EIF2AK2: variants seen among roughly 807,000 people sequenced by gnomAD.
The protein encoded by EIF2AK2 is eukaryotic translation initiation factor 2 alpha kinase 2, also known as interferon-induced, double-stranded RNA-activated protein kinase.
Under a neutral mutation model 70.5 loss-of-function variants are expected in EIF2AK2, and 40 were observed. The observed-to-expected ratio is 0.57, with a 90% CI of 0.44 to 0.74. The LOEUF is 0.74. Among genes scored for constraint, EIF2AK2 ranks in the 30% least tolerant of loss-of-function variants. EIF2AK2 has a pLI of 0.00. For missense variants in EIF2AK2, 555 were observed against 644.3 expected, an observed-to-expected ratio of 0.86 and a Z score of 1.50; for synonymous variants, 198 against 220.9, an observed-to-expected ratio of 0.90 and a Z score of 0.92.
At chr2:37,139,272 G>T (rs1675239323) in intron 6 of EIF2AK2, among the ~76,000 whole-genome samples, 1 of 148,032 alleles carries the variant, frequency 6.8e-6, no homozygotes. Flanking sequence ...CCGAGATCGT[G>T]CCACTGCACT....
intron 10 of EIF2AK2, among the ~76,000 whole-genome samples, chr2:37,128,369 C>A (rs1249565563): frequency 6.6e-6 from 1 of 152,012 alleles, no homozygotes; most frequent in Non-Finnish European, 1.5e-5. Context: ...TTCTAATTCC[C>A]ACAGAAGTAT....
chr2:37,143,562 T>G (rs1315712099), intron 4 of EIF2AK2, among the ~76,000 whole-genome samples: 2 of 152,190 alleles, frequency 1.3e-5, no homozygotes, highest in Non-Finnish European at 2.9e-5. Context: ...TTTTTTTTCT[T>G]GTATTATTCC....
rs1673951578 is a variant in EIF2AK2, at chr2:37,105,936, G to C, written c.*1337C>G. 6.6e-6 allele frequency: 1 copy of C among 152,184 alleles called. No individual in the cohort carries two copies. Among genetic ancestry groups the C allele is most frequent in the South Asian group, 2.1e-4 (1 of 4,828 alleles). 9.4% of individuals were successfully genotyped at this position (152,184 alleles called of 1,614,324 possible). ...CCCGATGGACTATTTTCTGTTTTTAGCTACTGCCTTACAGCACGGTTGTCT... is the reference window on the plus strand; with the variant it reads ...CCCGATGGACTATTTTCTGTTTTTACCTACTGCCTTACAGCACGGTTGTCT... On this transcript the variant is annotated 3_prime_UTR_variant, in exon 17 of 17. Transcript: ENST00000233057.
chr2:37,144,560 G>A (rs76051666), intron 4 of EIF2AK2, among the ~76,000 whole-genome samples: 4 of 151,842 alleles, frequency 2.6e-5, no homozygotes, highest in African/African-American at 9.6e-5. Context: ...AGGCTGATGT[G>A]TGTGTTTGTG....
intron 11 of EIF2AK2, among the ~76,000 whole-genome samples, chr2:37,123,027 G>A (rs1298527622): frequency 6.6e-6 from 1 of 151,888 alleles, no homozygotes; most frequent in Non-Finnish European, 1.5e-5. Context: ...ATTTAGCTGG[G>A]CACAGTGGCG....
In EIF2AK2 at chr2:37,107,250, C is replaced by A; in HGVS notation, c.*23G>T. On this transcript the variant is annotated 3_prime_UTR_variant, in exon 17 of 17. Transcript: ENST00000233057. ...TTTAAGGAAAACTGCATATCAGAAG[C>A]AGGATACTTTTTCAGAAGGGCTCTA... 6.2e-7 allele frequency: 1 copy of A among 1,601,664 alleles called. No homozygotes were observed. The highest frequency in any genetic ancestry group is 1.2e-5 in the South Asian group (1 of 86,724).
chr2:37,113,430 G>A (rs575973307), intron 14 of EIF2AK2, among the ~76,000 whole-genome samples: 24 of 148,256 alleles, frequency 1.6e-4, no homozygotes, highest in African/African-American at 4.7e-4. Flanking sequence ...GGGAGGCAGA[G>A]GTTGTTGCAG....
At position 37,107,211 on chromosome 2, in the gene EIF2AK2, C is replaced by A; in HGVS notation, c.*62G>T. The A allele has an allele frequency of 1.3e-6, 2 of 1,563,818 alleles. No homozygotes were observed. Among genetic ancestry groups the A allele is most frequent in the Non-Finnish European group, 1.7e-6 (2 of 1,157,210 alleles). On this transcript the variant is annotated 3_prime_UTR_variant, in exon 17 of 17. Coordinates refer to ENST00000233057, the MANE Select transcript of EIF2AK2 (RefSeq NM_001135651.3). ...GTAAATATCTATTGATATTCCCTAG[C>A]AGATTTTAGATAATTTAAGGAAAAC...
Position 37,116,356 on chromosome 2 carries a change from A to G in EIF2AK2, c.1249-1497T>C, listed in dbSNP as rs376621277. The stretch of plus-strand genomic sequence containing the variant: ...CACCTCAGCCTCCCAAGTAGCTGGG[A>G]CCACAGGCCACCACACCCAGCTCTA... On this transcript the variant is annotated intron_variant, in intron 13 of 16. Transcript: ENST00000233057. Among the ~76,000 whole-genome samples the G allele has an allele frequency of 5.4e-4, 83 of 152,322 alleles. 1 individual carries two copies. The Middle Eastern group carries it at 0.014, about 25-fold the overall frequency.
chr2:37,118,767 C>T (rs1034666139), intron 13 of EIF2AK2, among the ~76,000 whole-genome samples: 1 of 152,186 alleles, frequency 6.6e-6, no homozygotes, highest in East Asian at 1.9e-4. Context: ...GGGCAGACCA[C>T]GGAAGCAATA....
chr2:37,156,757 G>T lies in EIF2AK2; in HGVS notation c.-184+151C>A, dbSNP rs562816675. Among the ~76,000 whole-genome samples the T allele has an allele frequency of 2.0e-5, 3 of 152,252 alleles. No homozygotes were observed. The East Asian group carries it at 5.8e-4, about 30-fold the overall frequency. The stretch of plus-strand genomic sequence containing the variant: ...GGCCTGCTCTCCCAGTGCTGACCCA[G>T]CCGGGGCCAGGGGCTTCGGATCAGC... On this transcript the variant is annotated intron_variant, in intron 1 of 16. Coordinates refer to ENST00000233057, the MANE Select transcript of EIF2AK2 (RefSeq NM_001135651.3).
At chr2:37,134,997 A>G (rs1675077240) in intron 10 of EIF2AK2, among the ~76,000 whole-genome samples, 1 of 152,312 alleles carries the variant, frequency 6.6e-6, no homozygotes, top group African/African-American at 2.4e-5. Flanking sequence ...CTCCCTTAAC[A>G]TACTTTAAAG....
Position 37,133,230 on chromosome 2 carries a change from C to T in EIF2AK2, c.785+2254G>A, listed in dbSNP as rs185497846. Among the ~76,000 whole-genome samples the T allele has an allele frequency of 1.8e-3, 271 of 152,288 alleles. 1 individual carries two copies. Among genetic ancestry groups the T allele is most frequent in the African/African-American group, 5.9e-3 (247 of 41,582 alleles). On this transcript the variant is annotated intron_variant, in intron 10 of 16. Coordinates refer to ENST00000233057, the MANE Select transcript of EIF2AK2 (RefSeq NM_001135651.3). Reference sequence around the variant, plus strand: ...CCTCCTAAAAATTCGGGCACTCTCACGTAAACCTTTAATGCTCATCCCCTT... The same window carrying T: ...CCTCCTAAAAATTCGGGCACTCTCATGTAAACCTTTAATGCTCATCCCCTT...
intron 10 of EIF2AK2, among the ~76,000 whole-genome samples, chr2:37,132,038 C>G (rs1375518465): frequency 6.6e-6 from 1 of 152,138 alleles, no homozygotes; most frequent in Non-Finnish European, 1.5e-5. Context: ...CTAAAGGCAG[C>G]TCTACTTCCA....
rs1673864412 is a variant in EIF2AK2, at chr2:37,103,008, T to C, written c.*4265A>G. ...TAAAATGGCTCTCAAAATTTCTGTG[T>C]GTGTGTGTGTGTGTGTGCATTTTAA... On this transcript the variant is annotated 3_prime_UTR_variant, in exon 17 of 17. Transcript: ENST00000233057. 1 of 151,516 alleles carries C rather than the reference T, an allele frequency of 6.6e-6. No homozygotes were observed. Among genetic ancestry groups the C allele is most frequent in the African/African-American group, 2.4e-5 (1 of 41,168 alleles). 9.4% of individuals were successfully genotyped at this position (151,516 alleles called of 1,614,324 possible). A position where few individuals can be genotyped will look rare whatever the true frequency, so the allele number is the denominator to read the frequency against.
intron 10 of EIF2AK2, among the ~76,000 whole-genome samples, chr2:37,126,634 G>C (rs1674739408): frequency 6.6e-6 from 1 of 151,886 alleles, no homozygotes; most frequent in African/African-American, 2.4e-5. Flanking sequence ...ATCACCCCAG[G>C]CAGTCACAGT....
chr2:37,145,629 T>G (rs1386793641), intron 4 of EIF2AK2, among the ~76,000 whole-genome samples: 1 of 152,052 alleles, frequency 6.6e-6, no homozygotes, highest in Non-Finnish European at 1.5e-5. Flanking sequence ...AATAATGCCC[T>G]AGGCCTTCAC....
chr2:37,154,847 C>T (rs543166316), intron 1 of EIF2AK2, among the ~76,000 whole-genome samples: 2 of 152,198 alleles, frequency 1.3e-5, no homozygotes, highest in Non-Finnish European at 2.9e-5. Context: ...CAGGCATGAG[C>T]CATGGCACCT....
chr2:37,122,564 T>C lies in EIF2AK2; in HGVS notation c.1009A>G (p.Ser337Gly). The C allele has an allele frequency of 3.7e-6, 6 of 1,614,214 alleles. No individual in the cohort carries two copies. The highest frequency in any genetic ancestry group is 5.1e-6 in the Non-Finnish European group (6 of 1,180,032). The change falls in exon 12 of 17, where the codon AGT becomes GGT. Residue 337 changes from serine to glycine, a missense_variant. Around this residue, in one of 3 missense-constraint regions of EIF2AK2, gnomAD observed 299 missense variants for 375.4 expected, o/e 0.80. Transcript: ENST00000233057. ...WDGFDYDPET[S>G]DDSLESSDYD... ...TCACTGCTCTCAAGAGAATCATCAC[T>C]GGTCTCAGGATCATAATCAAATCCA...
Sources: allele counts gnomAD v4.1 joint callset (sites outside exome capture counted in the v4.1 genomes callset), GRCh38; gene constraint gnomAD v4.1.1; regional missense constraint gnomAD v4.1.1; transcripts MANE v1.5; gene names NCBI Gene and HGNC (gene_info 2026-07-23, HGNC 2026-07-21).